The following MSL2 variants were observed in gnomAD, a reference collection of about 807,000 sequenced individuals.
MSL2 encodes the protein MSL complex subunit 2.
MSL2 carries 2 observed loss-of-function variants against 35.8 expected under a neutral mutation model. The observed-to-expected ratio is 0.06, with a 90% CI of 0.02 to 0.18. MSL2 has a LOEUF of 0.18. Among genes scored for constraint, MSL2 ranks in the 10% least tolerant of loss-of-function variants. The probability of loss-of-function intolerance (pLI) is 1.00; values close to 1 mark genes in which losing one functional copy is unlikely to be tolerated. For missense variants in MSL2, 523 were observed against 706.7 expected (o/e 0.74, Z 2.95); for synonymous variants, 296 against 255.7 (o/e 1.16, Z -1.50).
At chr3:136,158,312 T>A (rs1390166501) in intron 1 of MSL2, among the ~76,000 whole-genome samples, 6 of 142,726 alleles carry the variant, frequency 4.2e-5, no homozygotes, top group South Asian at 2.2e-4. Context: ...CTCAAAAAAA[T>A]TAAAATTAAA....
intron 1 of MSL2, among the ~76,000 whole-genome samples, chr3:136,180,752 A>G (rs1434907640): frequency 3.5e-5 from 3 of 85,982 alleles, no homozygotes; most frequent in Admixed American, 1.4e-4. Context: ...AGAGGAGGGA[A>G]GGAGGGAAGG....
intron 1 of MSL2, among the ~76,000 whole-genome samples, chr3:136,163,500 C>T (rs774582588): frequency 1.3e-5 from 2 of 152,148 alleles, no homozygotes; most frequent in African/African-American, 4.8e-5. Flanking sequence ...GGACAAATGG[C>T]TAATTTCAAG....
rs951809534 is a variant in MSL2, at chr3:136,170,658, G to A, written c.143-17920C>T. On this transcript the variant is annotated intron_variant, in intron 1 of 1. Coordinates refer to ENST00000309993, the MANE Select transcript of MSL2 (RefSeq NM_018133.4). Reference sequence around the variant, plus strand: ...CGAGTAGCTGGGACTACAGGCGTGCGTCACCATGCCCAGCTAATTTTTGTA... The same window carrying A: ...CGAGTAGCTGGGACTACAGGCGTGCATCACCATGCCCAGCTAATTTTTGTA... Among the ~76,000 whole-genome samples, 6 of 151,436 alleles carry A rather than the reference G, an allele frequency of 4.0e-5. No homozygotes were observed. In the South Asian group the frequency reaches 8.3e-4, roughly 21 times the overall value.
At chr3:136,184,983 AT>A (rs1029845600) in intron 1 of MSL2, among the ~76,000 whole-genome samples, 3 of 150,596 alleles carry the variant, frequency 2.0e-5, no homozygotes, top group Non-Finnish European at 4.4e-5. Context: ...CCACCAACTC[AT>A]TTTTTTTTGA....
chr3:136,163,190 T>TG (rs1939757902), intron 1 of MSL2, among the ~76,000 whole-genome samples: 1 of 151,824 alleles, frequency 6.6e-6, no homozygotes, highest in Admixed American at 6.6e-5. Context: ...ACCCAGGAGG[T>TG]GGAGGATGCA....
chr3:136,160,641 C>T (rs184480815), intron 1 of MSL2, among the ~76,000 whole-genome samples: 7 of 150,176 alleles, frequency 4.7e-5, no homozygotes, highest in Admixed American at 2.7e-4. Context: ...ACTCAGGAGG[C>T]GGAGGTGCAG....
chr3:136,195,859 CGGCGGGCGGGAGG>C lies in MSL2; in HGVS notation c.-759_-747del. 1.0e-6 allele frequency: 1 copy of C among 980,526 alleles called. No individual in the cohort carries two copies. The highest frequency in any genetic ancestry group is 1.2e-6 in the Non-Finnish European group (1 of 826,230). 60.7% of individuals were successfully genotyped at this position (980,526 alleles called of 1,614,324 possible). A position where few individuals can be genotyped will look rare whatever the true frequency, so the allele number is the denominator to read the frequency against. The stretch of plus-strand genomic sequence containing the variant: ...GGGGAGGAAGTGCGCGGGCCGCCGC[CGGCGGGCGGGAGG>C]GGGCGGGGGGCAAGCCCGGCCGGGC... On this transcript the variant is annotated 5_prime_UTR_variant, in exon 1 of 2. Transcript: ENST00000309993.
chr3:136,190,387 A>C (rs1940652803), intron 1 of MSL2, among the ~76,000 whole-genome samples: 1 of 152,050 alleles, frequency 6.6e-6, no homozygotes, highest in Admixed American at 6.6e-5. Flanking sequence ...ACATCTCTAC[A>C]AAAAAAATTT....
chr3:136,175,808 C>A (rs1423616427), intron 1 of MSL2, among the ~76,000 whole-genome samples: 1 of 152,134 alleles, frequency 6.6e-6, no homozygotes, highest in Non-Finnish European at 1.5e-5. Flanking sequence ...AGCCTATGTT[C>A]ATTGAATAAA....
rs548709674 is a variant in MSL2, at chr3:136,155,839, C to T, written c.143-3101G>A. ...CCAAGAACTGTTCTATGTGTAAATGCTGGCATGGCCAGCTCCGCTGCTTTC... is the reference window on the plus strand; with the variant it reads ...CCAAGAACTGTTCTATGTGTAAATGTTGGCATGGCCAGCTCCGCTGCTTTC... On this transcript the variant is annotated intron_variant, in intron 1 of 1. Transcript: ENST00000309993. 7.9e-4 allele frequency: 455 copies of T among 578,230 alleles called. 5 individuals carry two copies. The highest frequency in any genetic ancestry group is 6.1e-3 in the South Asian group (442 of 72,720). 35.8% of individuals were successfully genotyped at this position (578,230 alleles called of 1,614,324 possible). A position where few individuals can be genotyped will look rare whatever the true frequency, so the allele number is the denominator to read the frequency against.
Position 136,165,623 on chromosome 3 carries a change from A to G in MSL2, c.143-12885T>C, listed in dbSNP as rs370456503. On this transcript the variant is annotated intron_variant, in intron 1 of 1. Coordinates refer to ENST00000309993, the MANE Select transcript of MSL2 (RefSeq NM_018133.4). ...ATTATGGAGACTTTCAAACAGACAA[A>G]AGAACACAATACAAGTAACCTCCAT... Among the ~76,000 whole-genome samples the G allele has an allele frequency of 5.9e-5, 9 of 152,348 alleles. No homozygotes were observed. The East Asian group carries it at 1.3e-3, about 23-fold the overall frequency.
chr3:136,190,298 G>A (rs1940651288), intron 1 of MSL2, among the ~76,000 whole-genome samples: 1 of 152,100 alleles, frequency 6.6e-6, no homozygotes, highest in East Asian at 1.9e-4. Flanking sequence ...AGCTACCGGG[G>A]CTCACACCTG....
Position 136,151,910 on chromosome 3 carries a change from T to C in MSL2, c.971A>G (p.His324Arg). The change falls in exon 2 of 2, where the codon CAT (histidine) becomes CGT (arginine). Residue 324 changes from histidine to arginine, a missense_variant. Around this residue, in one of 5 missense-constraint regions of MSL2, gnomAD observed 361 missense variants for 414.6 expected, o/e 0.87. Coordinates refer to ENST00000309993, the MANE Select transcript of MSL2 (RefSeq NM_018133.4). This position sits in a 1 kb window ranked among gnomAD's most constrained non-coding sequence, Gnocchi z 5.2. Reference sequence around the variant, plus strand: ...AGTTGCTGCTGTACATGATAACCCATGAAGTGCAGGACTGGTGGACATAAA... The same window carrying C: ...AGTTGCTGCTGTACATGATAACCCACGAAGTGCAGGACTGGTGGACATAAA... ...NVFMSTSPALHGLSCTAATPK... is the reference protein window; with the variant it reads ...NVFMSTSPALRGLSCTAATPK... The C allele has an allele frequency of 1.2e-6, 2 of 1,614,154 alleles. No individual in the cohort carries two copies. The highest frequency in any genetic ancestry group is 1.1e-5 in the South Asian group (1 of 91,080).
chr3:136,159,529 A>ATTTTTTTTTTT (rs71624086), intron 1 of MSL2, among the ~76,000 whole-genome samples: 6 of 135,916 alleles, frequency 4.4e-5, no homozygotes, highest in African/African-American at 1.6e-4. Flanking sequence ...ACGCCCAGCT[A>ATTTTTTTTTTT]TTTTTTTTTT....
chr3:136,153,037 T>TA (rs1939417328), intron 1 of MSL2: 2 of 985,280 alleles, frequency 2.0e-6, no homozygotes, highest in Non-Finnish European at 2.4e-6. Flanking sequence ...GCTATAAAGT[T>TA]AAAGAGGTGA....
At chr3:136,194,324 C>G in intron 1 of MSL2, 1 of 775,838 alleles carries the variant, frequency 1.3e-6, no homozygotes, top group Non-Finnish European at 1.6e-6. Flanking sequence ...ACAAAAACAT[C>G]TAAAATAACC....
intron 1 of MSL2, among the ~76,000 whole-genome samples, chr3:136,157,326 G>GT (rs1473074855): frequency 6.6e-6 from 1 of 152,062 alleles, no homozygotes; most frequent in African/African-American, 2.4e-5. Flanking sequence ...GGCCAATATG[G>GT]TAAAACCCTG....
At chr3:136,169,737 G>A (rs1433327773) in intron 1 of MSL2, among the ~76,000 whole-genome samples, 3 of 151,956 alleles carry the variant, frequency 2.0e-5, no homozygotes, top group African/African-American at 4.8e-5. Context: ...ACAGGCGTGA[G>A]CCACCGCACC....
chr3:136,194,729 G>A (rs1343855666), intron 1 of MSL2, among the ~76,000 whole-genome samples: 3 of 151,076 alleles, frequency 2.0e-5, no homozygotes, highest in Non-Finnish European at 4.4e-5. Flanking sequence ...CAGATGAACC[G>A]AGGCGAATTA....
Sources: gnomAD v4.1 joint callset for allele counts (sites outside exome capture counted in the v4.1 genomes callset) on GRCh38, gnomAD v4.1.1 for gene constraint, gnomAD v4.1.1 regional missense constraint, Gnocchi (gnomAD v3.1) non-coding constraint, MANE v1.5 for transcripts, NCBI Gene and HGNC (gene_info 2026-07-23, HGNC 2026-07-21) for gene names.